Variants in CPEB3 observed in about 807,000 individuals in gnomAD.
CPEB3 encodes the protein cytoplasmic polyadenylation element-binding protein 3.
In CPEB3, 20 loss-of-function variants were observed where a neutral mutation model predicts 67.2. The observed-to-expected ratio is 0.30, with a 90% confidence interval of 0.21 to 0.43. The LOEUF (loss-of-function observed/expected upper bound fraction) is 0.43, where lower values mean the gene tolerates loss of function less well. Among genes scored for constraint, CPEB3 ranks in the 20% least tolerant of loss-of-function variants. The probability of loss-of-function intolerance (pLI) is 1.00; values close to 1 mark genes in which losing one functional copy is unlikely to be tolerated. For synonymous variants in CPEB3, 376 were observed against 393.1 expected (o/e 0.96, Z 0.51); for missense variants, 746 against 968.6 (o/e 0.77, Z 3.05).
chr10:92,180,896 G>T, intron 4 of CPEB3, 67 bp downstream of exon 4: 1 of 849,052 alleles, frequency 1.2e-6, no homozygotes, highest in South Asian at 1.4e-5. Flanking sequence ...CAACAATCAA[G>T]AATGTAGAAA....
intron 4 of CPEB3, among the ~76,000 whole-genome samples, chr10:92,149,319 TA>T (rs1438240471): frequency 2.0e-5 from 3 of 152,262 alleles, no homozygotes; most frequent in African/African-American, 7.2e-5. Flanking sequence ...TGTTGTCCTC[TA>T]ACCAAAATCC....
chr10:92,189,109 A>G (rs1590340902), intron 3 of CPEB3, among the ~76,000 whole-genome samples: 2 of 152,288 alleles, frequency 1.3e-5, no homozygotes, highest in African/African-American at 4.8e-5. Context: ...TATTGTGAAC[A>G]TATTTTTACC....
At position 92,216,529 on chromosome 10, in the gene CPEB3, G is replaced by C. The variant is rs111378234; in HGVS notation, c.1005+22817C>G. The C allele has an allele frequency of 6.6e-4, 1,066 of 1,612,806 alleles. 8 individuals are homozygous for C. The African/African-American group carries it at 0.013, about 19-fold the overall frequency. ...AGCAGATTCGGCGCGGGGTGAAAGA[G>C]GTTCAGAAATTTGTCAACAAAGGAG... On this transcript the variant is annotated intron_variant, in intron 2 of 9. Coordinates refer to ENST00000265997, the MANE Select transcript of CPEB3 (RefSeq NM_014912.5).
intron 3 of CPEB3, among the ~76,000 whole-genome samples, chr10:92,190,368 A>G (rs964566971): frequency 1.3e-5 from 2 of 152,010 alleles, no homozygotes; most frequent in Non-Finnish European, 2.9e-5. Flanking sequence ...AGTAAAGGAT[A>G]TTGAAAGTAG....
At position 92,278,722 on chromosome 10, in the gene CPEB3, T is replaced by C. The variant is rs59024016; in HGVS notation, c.-12+12204A>G. Among the ~76,000 whole-genome samples, 1,124 of 151,408 alleles carry C rather than the reference T, an allele frequency of 7.4e-3. 13 individuals are homozygous for C. The highest frequency in any genetic ancestry group is 0.026 in the African/African-American group (1,076 of 41,202). The stretch of plus-strand genomic sequence containing the variant: ...TTCAAGCCATTCTCCTGGCTCAGCC[T>C]CCTAAGTAGCTGGGATTACAGGCGC... On this transcript the variant is annotated intron_variant, in intron 1 of 9. Transcript: ENST00000265997.
chr10:92,053,733 G>T (rs1590038312), intron 9 of CPEB3, among the ~76,000 whole-genome samples: 2 of 152,284 alleles, frequency 1.3e-5, no homozygotes, highest in African/African-American at 4.8e-5. Flanking sequence ...AGTAGAGACG[G>T]GGTTTCACTG....
chr10:92,214,198 CA>C (rs1448801806), intron 2 of CPEB3, among the ~76,000 whole-genome samples: 2 of 152,258 alleles, frequency 1.3e-5, no homozygotes, highest in Non-Finnish European at 2.9e-5. Flanking sequence ...GCTCCACCCT[CA>C]TGCATGGATT....
intron 7 of CPEB3, among the ~76,000 whole-genome samples, chr10:92,104,302 A>G (rs1485051047): frequency 1.3e-5 from 2 of 152,140 alleles, no homozygotes; most frequent in Admixed American, 6.6e-5. Context: ...ACTCTGGAAA[A>G]CACTGAACAT....
chr10:92,241,815 A>C (rs1851863836), intron 1 of CPEB3, among the ~76,000 whole-genome samples: 1 of 152,238 alleles, frequency 6.6e-6, no homozygotes, highest in Non-Finnish European at 1.5e-5. Flanking sequence ...AAATATTTTG[A>C]AATGTTAAAG....
intron 4 of CPEB3, among the ~76,000 whole-genome samples, chr10:92,161,647 G>C (rs1430341864): frequency 6.6e-6 from 1 of 151,688 alleles, no homozygotes; most frequent in Non-Finnish European, 1.5e-5. Flanking sequence ...GATTATCATA[G>C]CAGCTAATGA....
At chr10:92,058,004 C>G (rs1842178078) in intron 9 of CPEB3, among the ~76,000 whole-genome samples, 1 of 152,190 alleles carries the variant, frequency 6.6e-6, no homozygotes, top group South Asian at 2.1e-4. Flanking sequence ...GTGAAGACTA[C>G]AACGAATATC....
At chr10:92,185,126 C>A (rs773467861) in intron 3 of CPEB3, among the ~76,000 whole-genome samples, 4 of 152,158 alleles carry the variant, frequency 2.6e-5, no homozygotes, top group African/African-American at 9.7e-5. Flanking sequence ...GAATCAAGTG[C>A]GTGACATCTG....
At chr10:92,211,822 C>T (rs1850102356) in intron 2 of CPEB3, among the ~76,000 whole-genome samples, 1 of 151,710 alleles carries the variant, frequency 6.6e-6, no homozygotes. Context: ...GAATTATGGG[C>T]ATGAGCCACT....
intron 1 of CPEB3, among the ~76,000 whole-genome samples, chr10:92,273,898 G>T (rs1841856646): frequency 6.6e-6 from 1 of 152,080 alleles, no homozygotes; most frequent in East Asian, 1.9e-4. Flanking sequence ...CTTCTACTAG[G>T]ACATCTTCCC....
At chr10:92,063,749 C>G (rs548273221) in intron 9 of CPEB3, among the ~76,000 whole-genome samples, 4 of 146,454 alleles carry the variant, frequency 2.7e-5, no homozygotes, top group African/African-American at 7.7e-5. Flanking sequence ...GGTGACAGAG[C>G]GAGACTCAGT....
chr10:92,075,217 C>T (rs1842889858), intron 9 of CPEB3, among the ~76,000 whole-genome samples: 1 of 152,138 alleles, frequency 6.6e-6, no homozygotes, highest in African/African-American at 2.4e-5. Flanking sequence ...CAGAAGTTTC[C>T]CCCAAGAGCC....
chr10:92,140,164 A>G (rs1846331898), intron 6 of CPEB3, among the ~76,000 whole-genome samples: 1 of 152,142 alleles, frequency 6.6e-6, no homozygotes, highest in Non-Finnish European at 1.5e-5. Flanking sequence ...AAAAGAGCCC[A>G]CATCGCCAAG....
Position 92,115,240 on chromosome 10 carries a change from G to A in CPEB3, c.1454-4046C>T, listed in dbSNP as rs144356598. 7.2e-3 allele frequency among the ~76,000 whole-genome samples: 1,100 copies of A among 152,282 alleles called. 16 individuals are homozygous for A. The highest frequency in any genetic ancestry group is 0.025 in the African/African-American group (1,024 of 41,562). On this transcript the variant is annotated intron_variant, in intron 6 of 9. Coordinates refer to ENST00000265997, the MANE Select transcript of CPEB3 (RefSeq NM_014912.5). ...GCGATCTCGGATCCCTGCAACCTCC[G>A]CCTCCCGGATTCAAGTGATTCTCCT...
At position 92,192,485 on chromosome 10, in the gene CPEB3, T is replaced by C; in HGVS notation, c.1157A>G (p.His386Arg). The C allele has an allele frequency of 6.2e-7, 1 of 1,612,278 alleles. No homozygotes were observed. The highest frequency in any genetic ancestry group is 8.5e-7 in the Non-Finnish European group (1 of 1,179,562). ...MSFADIMWRN[H>R]FAGRMGINFH... Reference sequence around the variant, plus strand: ...ATATGAATATTCCTAACCTGCAAAATGATTCCTCCACATTATATCAGCGAA... The same window carrying C: ...ATATGAATATTCCTAACCTGCAAAACGATTCCTCCACATTATATCAGCGAA... The change falls in exon 3 of 10, where the codon CAT becomes CGT. Residue 386 changes from histidine (H) to arginine (R), a missense_variant. By Grantham distance (29) the His-to-Arg change is conservative. Transcript: ENST00000265997.
Sources: gnomAD v4.1 joint callset for allele counts (sites outside exome capture counted in the v4.1 genomes callset) on GRCh38, gnomAD v4.1.1 for gene constraint, MANE v1.5 for transcripts, NCBI Gene and HGNC (gene_info 2026-07-23, HGNC 2026-07-21) for gene names.